IRAK1BP1: variants seen among roughly 807,000 people sequenced by gnomAD.
IRAK1BP1 encodes interleukin-1 receptor-associated kinase 1-binding protein 1.
Under a neutral mutation model 28.0 loss-of-function variants are expected in IRAK1BP1, and 24 were observed. The ratio of observed to expected loss-of-function variants is 0.86; its 90% CI spans 0.62 to 1.20. The LOEUF is 1.20. Among genes scored for constraint, IRAK1BP1 ranks in the 50% most tolerant of loss-of-function variants. The pLI is 0.00. For synonymous variants in IRAK1BP1, 131 were observed against 116.3 expected (o/e 1.13, Z -0.81); for missense variants, 336 against 316.7 (o/e 1.06, Z -0.46).
intron 4 of IRAK1BP1, among the ~76,000 whole-genome samples, chr6:78,944,391 G>A (rs765551024): frequency 6.6e-6 from 1 of 152,160 alleles, no homozygotes; most frequent in East Asian, 1.9e-4. Flanking sequence ...ATATGAGAGA[G>A]GGACTGGTTA....
At chr6:78,977,676 T>C in the IRAK1BP1 span, among the ~76,000 whole-genome samples, 1 of 152,184 alleles carries the variant, frequency 6.6e-6, no homozygotes, top group Non-Finnish European at 1.5e-5. Flanking sequence ...CTGGCCATGT[T>C]GAAATAATGT....
rs1205170339 is a variant in IRAK1BP1, at chr6:78,867,619, C to T, written c.43C>T (p.Leu15=). 1 of 1,614,220 alleles carries T rather than the reference C, an allele frequency of 6.2e-7. No homozygotes were observed. Among genetic ancestry groups the T allele is most frequent in the South Asian group, 1.1e-5 (1 of 91,086 alleles). ...CCCTCCGACCCGAGTGTTCGTGGAA[C>T]TGGTTCCCTGGGCTGACCGGAGCCG... is the stretch of plus-strand genomic sequence containing the variant. ...KTPPTRVFVE[L]VPWADRSREN... is the part of the protein sequence containing the mutation. Residue 15 remains leucine, a synonymous_variant, in exon 1 of 4, where the codon CTG becomes TTG. Transcript: ENST00000369940.
downstream of IRAK1BP1, among the ~76,000 whole-genome samples, chr6:78,905,589 C>G (rs1236256115): frequency 6.6e-6 from 1 of 152,150 alleles, no homozygotes; most frequent in Admixed American, 6.5e-5. Context: ...GCTAAGTTTT[C>G]AGTCTGCTAC....
chr6:78,976,106 A>G, the IRAK1BP1 span, among the ~76,000 whole-genome samples: 5 of 150,404 alleles, frequency 3.3e-5, no homozygotes, highest in Middle Eastern at 3.2e-3. Context: ...GAGGCATCAC[A>G]CTACCTGACT....
chr6:78,879,168 G>A (rs925616876), intron 1 of IRAK1BP1, among the ~76,000 whole-genome samples: 1 of 152,004 alleles, frequency 6.6e-6, no homozygotes, highest in Non-Finnish European at 1.5e-5. Flanking sequence ...CTTGGACACA[G>A]GATGGGGAAC....
the IRAK1BP1 span, among the ~76,000 whole-genome samples, chr6:78,953,700 G>A: frequency 6.6e-6 from 1 of 152,230 alleles, no homozygotes; most frequent in African/African-American, 2.4e-5. Flanking sequence ...ATCTGTTGAT[G>A]AAATTTCTTT....
At chr6:78,922,672 A>G (rs2127666440) in intron 4 of IRAK1BP1, among the ~76,000 whole-genome samples, 1 of 152,340 alleles carries the variant, frequency 6.6e-6, no homozygotes, top group Admixed American at 6.5e-5. Context: ...GCAGCCAGAG[A>G]GAAAGGTCGG....
intron 1 of IRAK1BP1, among the ~76,000 whole-genome samples, chr6:78,870,958 C>A (rs1249365315): frequency 6.6e-6 from 1 of 152,096 alleles, no homozygotes; most frequent in Admixed American, 6.6e-5. Flanking sequence ...CCCACCTCAA[C>A]CTCCCAAAAT....
At chr6:78,971,412 C>A in the IRAK1BP1 span, among the ~76,000 whole-genome samples, 1 of 152,194 alleles carries the variant, frequency 6.6e-6, no homozygotes, top group African/African-American at 2.4e-5. Flanking sequence ...AGCAGTCTGA[C>A]ACCCACTAGT....
At chr6:78,955,294 G>T in the IRAK1BP1 span, 1 of 1,587,896 alleles carries the variant, frequency 6.3e-7, no homozygotes, top group Middle Eastern at 1.7e-4. Context: ...TTTGAGGCAA[G>T]AATTTACCAG....
At chr6:78,955,026 T>C in the IRAK1BP1 span, 1 of 1,211,380 alleles carries the variant, frequency 8.3e-7, no homozygotes, top group Non-Finnish European at 1.1e-6. Context: ...TTTGTACTTT[T>C]AATGTAGTCT....
the IRAK1BP1 span, among the ~76,000 whole-genome samples, chr6:78,968,920 T>G: frequency 2.0e-5 from 3 of 152,236 alleles, no homozygotes; most frequent in East Asian, 1.9e-4. Flanking sequence ...GAAGGAGATT[T>G]GGACCTGCTA....
chr6:78,945,210 C>A (rs1773736338), intron 4 of IRAK1BP1: 1 of 981,342 alleles, frequency 1.0e-6, no homozygotes, highest in South Asian at 1.4e-5. Context: ...AGTGGGCAAC[C>A]TGAAAAGTGG....
chr6:78,921,011 T>C (rs561183659), intron 4 of IRAK1BP1, among the ~76,000 whole-genome samples: 2 of 152,248 alleles, frequency 1.3e-5, no homozygotes, highest in Admixed American at 6.5e-5. Context: ...ACACAGAAGA[T>C]GAATGATTTC....
the IRAK1BP1 span, chr6:78,955,799 T>C: frequency 4.1e-6 from 2 of 492,914 alleles, no homozygotes; most frequent in Non-Finnish European, 7.4e-6. Context: ...GCTTGCTTTC[T>C]TCTCCATTGG....
At chr6:78,870,799 C>T (rs1437049971) in intron 1 of IRAK1BP1, among the ~76,000 whole-genome samples, 1 of 152,026 alleles carries the variant, frequency 6.6e-6, no homozygotes, top group Non-Finnish European at 1.5e-5. Flanking sequence ...GCAACCTCCG[C>T]CTCCCAGGTT....
intron 1 of IRAK1BP1, among the ~76,000 whole-genome samples, chr6:78,873,062 C>A (rs953339654): frequency 1.3e-5 from 2 of 151,758 alleles, no homozygotes; most frequent in African/African-American, 4.8e-5. Flanking sequence ...TCAAGGCCAG[C>A]CTAGCTAACA....
chr6:78,909,701 A>T (rs1490784637), intron 4 of IRAK1BP1, among the ~76,000 whole-genome samples: 1 of 152,220 alleles, frequency 6.6e-6, no homozygotes, highest in African/African-American at 2.4e-5. Flanking sequence ...AAGGGAACCT[A>T]TGAATTACTT....
downstream of IRAK1BP1, among the ~76,000 whole-genome samples, chr6:78,951,165 A>G (rs1774120171): frequency 6.6e-6 from 1 of 152,112 alleles, no homozygotes; most frequent in South Asian, 2.1e-4. Flanking sequence ...GGCTTTACAA[A>G]CTTTGTGGAT....
Sources: gnomAD v4.1 joint callset for allele counts (sites outside exome capture counted in the v4.1 genomes callset) on GRCh38, gnomAD v4.1.1 for gene constraint, MANE v1.5 for transcripts, NCBI Gene and HGNC (gene_info 2026-07-23, HGNC 2026-07-21) for gene names.